The following DLC1 variants were observed in gnomAD, a reference collection of about 807,000 sequenced individuals.
DLC1 encodes rho GTPase-activating protein 7.
Under a neutral mutation model 140.3 loss-of-function variants are expected in DLC1, and 54 were observed. That is an observed-to-expected ratio of 0.38 (90% confidence interval 0.31 to 0.48). The LOEUF is 0.48. Among genes scored for constraint, DLC1 ranks in the 20% least tolerant of loss-of-function variants. The probability of loss-of-function intolerance (pLI) is 0.96; values close to 1 mark genes in which losing one functional copy is unlikely to be tolerated. For synonymous variants in DLC1, 986 were observed against 728.1 expected, an observed-to-expected ratio of 1.35 and a Z score of -5.70; for missense variants, 2,536 against 1,907.0, an observed-to-expected ratio of 1.33 and a Z score of -6.14.
chr8:13,292,151 G>A (rs1831780939), intron 5 of DLC1, among the ~76,000 whole-genome samples: 1 of 151,966 alleles, frequency 6.6e-6, no homozygotes, highest in Admixed American at 6.6e-5. Context: ...ATTATAAATG[G>A]GAATGCTGTT....
chr8:13,198,880 C>A (rs1161881296), intron 5 of DLC1, among the ~76,000 whole-genome samples: 1 of 152,036 alleles, frequency 6.6e-6, no homozygotes, highest in African/African-American at 2.4e-5. Flanking sequence ...CCACACCCAG[C>A]TAATTTTTGT....
chr8:13,535,126 T>C (rs923845529), intron 1 of DLC1, among the ~76,000 whole-genome samples: 1 of 152,176 alleles, frequency 6.6e-6, no homozygotes, highest in African/African-American at 2.4e-5. Context: ...GATATCTTTA[T>C]TGTATTAAAT....
At chr8:13,530,801 T>G (rs1803071225) in intron 1 of DLC1, among the ~76,000 whole-genome samples, 2 of 152,176 alleles carry the variant, frequency 1.3e-5, no homozygotes, top group Admixed American at 6.5e-5. Context: ...AAATCCAAAC[T>G]ATTACAGCAT....
chr8:13,400,534 C>T (rs1247646031), intron 3 of DLC1, among the ~76,000 whole-genome samples: 2 of 152,088 alleles, frequency 1.3e-5, no homozygotes, highest in Non-Finnish European at 2.9e-5. Flanking sequence ...TTGTTATATT[C>T]TGTGGGCTGA....
At chr8:13,324,185 A>C (rs1167366025) in intron 4 of DLC1, among the ~76,000 whole-genome samples, 5 of 152,172 alleles carry the variant, frequency 3.3e-5, no homozygotes, top group Non-Finnish European at 7.3e-5. Flanking sequence ...CTAACAGAAG[A>C]ATTTCCAGAA....
At chr8:13,379,235 C>T (rs924108013) in intron 4 of DLC1, among the ~76,000 whole-genome samples, 9 of 152,094 alleles carry the variant, frequency 5.9e-5, no homozygotes, top group African/African-American at 1.9e-4. Context: ...TTTTACTTGC[C>T]TGGAGTCAGC....
intron 2 of DLC1, among the ~76,000 whole-genome samples, chr8:13,418,867 C>G (rs11774236): frequency 0.18 from 27,771 of 151,818 alleles, 3,231 homozygotes; most frequent in East Asian, 0.32. Context: ...TCTTCCATTT[C>G]TTTGTATCCT....
At chr8:13,354,723 TTG>T in intron 4 of DLC1, among the ~76,000 whole-genome samples, 1 of 151,396 alleles carries the variant, frequency 6.6e-6, no homozygotes, top group Non-Finnish European at 1.5e-5. Context: ...AGTGGGTGGA[TTG>T]CTTGAGCACA....
At chr8:13,430,766 A>G (rs1437205923) in intron 2 of DLC1, among the ~76,000 whole-genome samples, 1 of 152,226 alleles carries the variant, frequency 6.6e-6, no homozygotes, top group Non-Finnish European at 1.5e-5. Context: ...TAAATCTAAA[A>G]GCAAAATGTT....
intron 2 of DLC1, among the ~76,000 whole-genome samples, chr8:13,402,698 C>T (rs1205765179): frequency 6.6e-6 from 1 of 152,140 alleles, no homozygotes; most frequent in Non-Finnish European, 1.5e-5. Flanking sequence ...ACAGTGATTG[C>T]AGATTGAGGG....
At chr8:13,374,295 CTCAAATTCTTTTT>C (rs890763482) in intron 4 of DLC1, among the ~76,000 whole-genome samples, 1 of 117,232 alleles carries the variant, frequency 8.5e-6, no homozygotes, top group Non-Finnish European at 1.7e-5. Flanking sequence ...CCAAATCCAT[CTCAAATTCTTTTT>C]TTTTAATGTA....
At chr8:13,215,334 C>T (rs1286929289) in intron 5 of DLC1, among the ~76,000 whole-genome samples, 1 of 152,140 alleles carries the variant, frequency 6.6e-6, no homozygotes, top group Non-Finnish European at 1.5e-5. Flanking sequence ...GCCTGTAATC[C>T]CAACATTTTG....
chr8:13,311,853 G>A (rs368619971), intron 4 of DLC1, among the ~76,000 whole-genome samples: 76 of 152,254 alleles, frequency 5.0e-4, no homozygotes, highest in African/African-American at 1.8e-3. Flanking sequence ...TTCTGACCTT[G>A]AAAATTTTTT....
At chr8:13,305,881 A>T (rs1293475038) in intron 4 of DLC1, among the ~76,000 whole-genome samples, 1 of 152,110 alleles carries the variant, frequency 6.6e-6, no homozygotes, top group African/African-American at 2.4e-5. Flanking sequence ...ATCTAAAAAC[A>T]CTTTGAATTG....
chr8:13,426,054 C>T (rs570285893), intron 2 of DLC1, among the ~76,000 whole-genome samples: 1 of 152,128 alleles, frequency 6.6e-6, no homozygotes, highest in Non-Finnish European at 1.5e-5. Flanking sequence ...TTCAGGCAAT[C>T]CTCCTGCCTT....
At position 13,099,752 on chromosome 8, in the gene DLC1, T is replaced by A; in HGVS notation, c.2585A>T (p.Glu862Val). The A allele has an allele frequency of 1.2e-6, 2 of 1,614,160 alleles. No individual in the cohort carries two copies. The highest frequency in any genetic ancestry group is 1.7e-6 in the Non-Finnish European group (2 of 1,180,030). Residue 862 changes from glutamate (E) to valine (V), a missense_variant, in exon 9 of 18, where the codon GAA (glutamate) becomes GTA (valine). Coordinates refer to ENST00000276297, the MANE Select transcript of DLC1 (RefSeq NM_182643.3). ...RRENSSDSPK[E>V]LKRRNSSSSM... is the part of the protein sequence containing the mutation. ...GCTGGAAGAATTGCGTCTCTTCAGTTCCTTGGGGCTGTCGCTACTGTTTTC... is the reference window on the plus strand; with the variant it reads ...GCTGGAAGAATTGCGTCTCTTCAGTACCTTGGGGCTGTCGCTACTGTTTTC...
At chr8:13,337,974 A>G (rs1418543201) in intron 4 of DLC1, among the ~76,000 whole-genome samples, 2 of 152,192 alleles carry the variant, frequency 1.3e-5, no homozygotes, top group Non-Finnish European at 1.5e-5. Context: ...CTGATCCCCT[A>G]TCATACGTTG....
At chr8:13,296,435 T>A (rs1373459588) in intron 5 of DLC1, among the ~76,000 whole-genome samples, 1 of 152,226 alleles carries the variant, frequency 6.6e-6, no homozygotes, top group East Asian at 1.9e-4. Flanking sequence ...TGGCCCATAC[T>A]GGCAGTTCAC....
chr8:13,175,030 G>C (rs1281150999), intron 5 of DLC1, among the ~76,000 whole-genome samples: 2 of 49,294 alleles, frequency 4.1e-5, no homozygotes, highest in Non-Finnish European at 9.7e-5. Flanking sequence ...TCCATCTTCA[G>C]TTAATTTTTG....
Sources: gnomAD v4.1 joint callset for allele counts (sites outside exome capture counted in the v4.1 genomes callset) on GRCh38, gnomAD v4.1.1 for gene constraint, MANE v1.5 for transcripts, NCBI Gene and HGNC (gene_info 2026-07-23, HGNC 2026-07-21) for gene names.